Variants in RHOBTB2 observed in about 807,000 individuals in gnomAD.
RHOBTB2 encodes rho-related BTB domain-containing protein 2.
RHOBTB2 carries 39 observed loss-of-function variants against 66.5 expected under a neutral mutation model. That is an observed-to-expected ratio of 0.59 (90% CI 0.45 to 0.77). The LOEUF is 0.77. Ranked by LOEUF, RHOBTB2 falls within the 30% of genes least tolerant of loss-of-function variation. The pLI, the probability that RHOBTB2 is intolerant of heterozygous loss-of-function variation, is 0.00. For synonymous variants in RHOBTB2, 390 were observed against 395.0 expected, an observed-to-expected ratio of 0.99 and a Z score of 0.15; for missense variants, 755 against 999.1, an observed-to-expected ratio of 0.76 and a Z score of 3.29.
the RHOBTB2 span, among the ~76,000 whole-genome samples, chr8:22,975,865 G>A: frequency 6.6e-6 from 1 of 151,956 alleles, no homozygotes; most frequent in Non-Finnish European, 1.5e-5. Flanking sequence ...AGACCACTGG[G>A]GGCCAGGTGC....
intron 3 of RHOBTB2, 89 bp from the exon 4 acceptor site, chr8:23,005,871 C>A: frequency 8.1e-7 from 1 of 1,234,054 alleles, no homozygotes; most frequent in Non-Finnish European, 1.2e-6. Flanking sequence ...AGGTGTGGGA[C>A]TGTACAGGGC....
rs994841511 is a variant in RHOBTB2 at position 23,004,403 on chromosome 8, C to G, written c.-10-22C>G. 1 of 1,608,798 alleles carries G rather than the reference C, an allele frequency of 6.2e-7. No individual in the cohort carries two copies. The highest frequency in any genetic ancestry group is 1.1e-5 in the South Asian group (1 of 90,934). On this transcript the variant is annotated intron_variant, in intron 1 of 9. Transcript: ENST00000251822. This position sits in a 1 kb window ranked among gnomAD's most constrained non-coding sequence, Gnocchi z 6.4. The stretch of plus-strand genomic sequence containing the variant: ...GAGCTGGCATGCCATGCCGTCCTGA[C>G]CGCCTCCCTCCTCTCCCTCAGGTCC...
Position 23,007,474 on chromosome 8 carries a change from G to A in RHOBTB2, c.1229G>A (p.Arg410Gln), listed in dbSNP as rs377368156. 2.6e-5 allele frequency: 42 copies of A among 1,614,212 alleles called. No individual in the cohort carries two copies. Among genetic ancestry groups the A allele is most frequent in the Admixed American group, 1.3e-4 (8 of 60,028 alleles). The change falls in exon 5 of 10, where the codon CGG becomes CAG. Residue 410 changes from arginine to glutamine, a missense_variant. Coordinates refer to ENST00000251822, the MANE Select transcript of RHOBTB2 (RefSeq NM_015178.3). ...GAAGATCCTCTCACCTACAAATCCCGGCTGATGGTGGTGGTGAAGATGGAC... is the reference window on the plus strand; with the variant it reads ...GAAGATCCTCTCACCTACAAATCCCAGCTGATGGTGGTGGTGAAGATGGAC... The part of the protein sequence containing the change: ...MAEDPLTYKS[R>Q]LMVVVKMDSS...
the RHOBTB2 span, among the ~76,000 whole-genome samples, chr8:22,979,765 G>T: frequency 3.6e-5 from 3 of 83,694 alleles, no homozygotes; most frequent in African/African-American, 1.1e-4. Context: ...TTTTGGGACA[G>T]AGTGAGACTC....
the RHOBTB2 span, among the ~76,000 whole-genome samples, chr8:22,969,591 G>A: frequency 1.3e-5 from 2 of 152,054 alleles, no homozygotes; most frequent in African/African-American, 4.8e-5. Context: ...GATACATAAT[G>A]CCTATCAAAA....
In RHOBTB2 at chr8:23,007,325, T is replaced by C. The variant is rs755623851; in HGVS notation, c.1080T>C (p.Ala360=). Residue 360 remains alanine, a synonymous_variant, in exon 5 of 10, where the codon GCT becomes GCC. Transcript: ENST00000251822. ...ATGAGGCTGGGGGCTCCGGTCCTGC[T>C]GGCCTCCGTGCTTCCACCAGCGACG... ...SVDEAGGSGP[A]GLRASTSDGI... is the part of the protein sequence containing the mutation. The C allele has an allele frequency of 6.2e-7, 1 of 1,613,704 alleles. No individual in the cohort carries two copies. Among genetic ancestry groups the C allele is most frequent in the Admixed American group, 1.7e-5 (1 of 59,996 alleles).
the RHOBTB2 span, among the ~76,000 whole-genome samples, chr8:22,953,740 A>G: frequency 6.6e-6 from 1 of 152,208 alleles, no homozygotes; most frequent in African/African-American, 2.4e-5. Flanking sequence ...GAGCTCCGGG[A>G]AAGTTCACTT....
At position 23,017,728 on chromosome 8, in the gene RHOBTB2, C is replaced by A; in HGVS notation, c.*259C>A. The stretch of plus-strand genomic sequence containing the variant: ...CAACTGCTTGGAGGAGCGAAGAGCC[C>A]TGGCATTTTATCTCTGGGTTTGAGA... On this transcript the variant is annotated 3_prime_UTR_variant, in exon 10 of 10. Transcript: ENST00000251822. The surrounding 1 kb of genome is among the most constrained non-coding windows in gnomAD (Gnocchi z 5.3). 1.9e-6 allele frequency: 1 copy of A among 522,574 alleles called. No homozygotes were observed. Among genetic ancestry groups the A allele is most frequent in the East Asian group, 3.2e-5 (1 of 30,778 alleles). The allele number at this position is 522,574 out of a possible 1,614,324, so 32.4% of individuals were successfully genotyped here.
rs771604267 is a variant in RHOBTB2 at position 23,017,586 on chromosome 8, C to T, written c.*117C>T. On this transcript the variant is annotated 3_prime_UTR_variant, in exon 10 of 10. Transcript: ENST00000251822. The surrounding 1 kb of genome is among the most constrained non-coding windows in gnomAD (Gnocchi z 5.3). ...ACCAGGGGGCCCACGTAACCAGGAC[C>T]CAGAGGGTGGAGCTCTTCTTACCAG... 4.0e-5 allele frequency: 58 copies of T among 1,458,186 alleles called. No homozygotes were observed. Among genetic ancestry groups the T allele is most frequent in the African/African-American group, 5.6e-5 (4 of 71,166 alleles). The allele number at this position is 1,458,186 out of a possible 1,614,324, so 90.3% of individuals were successfully genotyped here.
chr8:22,964,787 TA>T, the RHOBTB2 span, among the ~76,000 whole-genome samples: 1 of 7,730 alleles, frequency 1.3e-4, no homozygotes, highest in South Asian at 6.8e-3. Flanking sequence ...AGCTTTATTT[TA>T]TTTATTTATT....
chr8:23,010,577 G>A lies in RHOBTB2; in HGVS notation c.1660G>A (p.Val554Met), dbSNP rs747011587. Residue 554 changes from valine (V) to methionine (M), a missense_variant, in exon 7 of 10, where the codon GTG becomes ATG. Physicochemically the swap from Val to Met is conservative, Grantham distance 21 (BLOSUM62 1). Coordinates refer to ENST00000251822, the MANE Select transcript of RHOBTB2 (RefSeq NM_015178.3). ...PYTSKSCMRA[V>M]LEYLYTGMFT... ...CACAAGCAAGAGCTGCATGCGGGCC[G>A]TGCTGGAATACCTCTACACCGGCAT... 3.3e-5 allele frequency: 53 copies of A among 1,613,922 alleles called. No individual in the cohort carries two copies. The highest frequency in any genetic ancestry group is 4.1e-5 in the Non-Finnish European group (48 of 1,179,992).
upstream of RHOBTB2, among the ~76,000 whole-genome samples, chr8:22,994,981 G>T (rs761379337): frequency 3.3e-5 from 5 of 152,300 alleles, no homozygotes; most frequent in Admixed American, 6.5e-5. Context: ...GGCCAGGCTG[G>T]TCTCAAACTC....
intron 6 of RHOBTB2, 57 bp from the exon 7 acceptor site, chr8:23,010,481 G>A: frequency 6.4e-7 from 1 of 1,565,360 alleles, no homozygotes; most frequent in Non-Finnish European, 8.7e-7. Context: ...TCAGGGTTCA[G>A]TTCATCTTCT....
In RHOBTB2 at chr8:23,006,664, T is replaced by G; in HGVS notation, c.483-64T>G. 1 of 1,496,810 alleles carries G rather than the reference T, an allele frequency of 6.7e-7. No individual in the cohort carries two copies. Among genetic ancestry groups the G allele is most frequent in the Non-Finnish European group, 9.1e-7 (1 of 1,093,934 alleles). 92.7% of individuals were successfully genotyped at this position (1,496,810 alleles called of 1,614,324 possible). ...TCCTGAGCAGAGTCCCTCCAGCCTG[T>G]GGAAGAACAGGCAGCCTCCCTCCAC... is the stretch of plus-strand genomic sequence containing the variant. On this transcript the variant is annotated intron_variant, in intron 4 of 9. Transcript: ENST00000251822. The surrounding 1 kb of genome is among the most constrained non-coding windows in gnomAD (Gnocchi z 6.1).
In RHOBTB2 at chr8:23,015,692, T is replaced by G. The variant is rs1296300776; in HGVS notation, c.1915T>G (p.Tyr639Asp). Reference protein sequence around the residue: ...DWCLHHICTNYNNVCRKFPRD... With the variant: ...DWCLHHICTNDNNVCRKFPRD... ...GTGTCTCCACCACATCTGCACCAACTACAACAACGTGTGCCGCAAGTTCCC... is the reference window on the plus strand; with the variant it reads ...GTGTCTCCACCACATCTGCACCAACGACAACAACGTGTGCCGCAAGTTCCC... Residue 639 changes from tyrosine to aspartate, a missense_variant, in exon 9 of 10, where the codon TAC becomes GAC. By Grantham distance (160) the Tyr-to-Asp change is radical (BLOSUM62 -3). Coordinates refer to ENST00000251822, the MANE Select transcript of RHOBTB2 (RefSeq NM_015178.3). The G allele has an allele frequency of 1.2e-6, 2 of 1,613,902 alleles. No homozygotes were observed. The highest frequency in any genetic ancestry group is 2.7e-5 in the African/African-American group (2 of 74,904).
the RHOBTB2 span, among the ~76,000 whole-genome samples, chr8:22,958,813 A>AAAAAAG: frequency 6.6e-6 from 1 of 150,740 alleles, no homozygotes. Flanking sequence ...AAAAAAAAAA[A>AAAAAAG]AAAAAAAAAA....
At chr8:23,011,612 C>T (rs1241240574) in intron 7 of RHOBTB2, among the ~76,000 whole-genome samples, 2 of 152,156 alleles carry the variant, frequency 1.3e-5, no homozygotes, top group Non-Finnish European at 2.9e-5. Flanking sequence ...GGCAGGCAGT[C>T]TGGGTCCAAG....
In RHOBTB2 at chr8:23,020,015, C is replaced by T. The variant is rs1563300634; in HGVS notation, c.*2546C>T. 1 of 318,062 alleles carries T rather than the reference C, an allele frequency of 3.1e-6. No homozygotes were observed. The highest frequency in any genetic ancestry group is 6.1e-6 in the Non-Finnish European group (1 of 162,742). 19.7% of individuals were successfully genotyped at this position (318,062 alleles called of 1,614,324 possible). On this transcript the variant is annotated 3_prime_UTR_variant, in exon 10 of 10. Coordinates refer to ENST00000251822, the MANE Select transcript of RHOBTB2 (RefSeq NM_015178.3). ...ACCCCCAGGAGGCCAAGCCTGAAAA[C>T]AGAGGGGAGGGAGGAAGGAAGGAGT...
the RHOBTB2 span, among the ~76,000 whole-genome samples, chr8:22,953,356 A>G: frequency 3.9e-4 from 52 of 132,252 alleles, no homozygotes; most frequent in East Asian, 0.013. Context: ...GCTCCTACCA[A>G]TTATTATTTT....
Sources: allele counts gnomAD v4.1 joint callset (sites outside exome capture counted in the v4.1 genomes callset), GRCh38; gene constraint gnomAD v4.1.1; non-coding constraint Gnocchi (gnomAD v3.1); transcripts MANE v1.5; gene names NCBI Gene and HGNC (gene_info 2026-07-23, HGNC 2026-07-21).